The following KLRD1 variants were observed in gnomAD, a reference collection of about 807,000 sequenced individuals.
KLRD1 encodes the protein killer cell lectin like receptor D1.
KLRD1 carries 21 observed loss-of-function variants against 22.6 expected under a neutral mutation model. The observed-to-expected ratio is 0.93, with a 90% confidence interval of 0.66 to 1.34. KLRD1 has a LOEUF of 1.34. KLRD1 is among the 40% of genes most tolerant of loss of function. KLRD1 has a pLI of 0.00. For missense variants in KLRD1, 183 were observed against 208.6 expected (o/e 0.88, Z 0.76); for synonymous variants, 59 against 71.1 (o/e 0.83, Z 0.85).
chr12:10,295,648 AC>A (rs2137671832), intron 1 of KLRD1, among the ~76,000 whole-genome samples: 1 of 152,344 alleles, frequency 6.6e-6, no homozygotes, highest in African/African-American at 2.4e-5. Flanking sequence ...AGATACCTTA[AC>A]AAATTACATG....
chr12:10,259,540 A>G (rs1246242650), intron 1 of KLRD1, among the ~76,000 whole-genome samples: 1 of 152,202 alleles, frequency 6.6e-6, no homozygotes, highest in East Asian at 1.9e-4. Context: ...GTTTTATGCA[A>G]TTAAAGTAGT....
intron 1 of KLRD1, among the ~76,000 whole-genome samples, chr12:10,297,677 C>CT (rs1949834207): frequency 6.6e-6 from 1 of 152,092 alleles, no homozygotes; most frequent in Non-Finnish European, 1.5e-5. Context: ...ATTTCTGGGT[C>CT]TTTGTCTTGC....
At chr12:10,274,556 C>T (rs1408120994) in intron 1 of KLRD1, among the ~76,000 whole-genome samples, 1 of 151,990 alleles carries the variant, frequency 6.6e-6, no homozygotes, top group African/African-American at 2.4e-5. Flanking sequence ...ATTGTGCTAC[C>T]TGGAGGCGTT....
At chr12:10,310,437 A>C (rs1950035844) in intron 3 of KLRD1, among the ~76,000 whole-genome samples, 2 of 152,240 alleles carry the variant, frequency 1.3e-5, no homozygotes, top group Middle Eastern at 3.4e-3. Context: ...CAATTTTCTA[A>C]ATATGTATTT....
intron 1 of KLRD1, among the ~76,000 whole-genome samples, chr12:10,296,669 T>C (rs933775655): frequency 2.0e-5 from 3 of 152,056 alleles, no homozygotes; most frequent in Admixed American, 2.0e-4. Context: ...CATGAGTAAA[T>C]GGATTAAAAG....
intron 1 of KLRD1, among the ~76,000 whole-genome samples, chr12:10,281,704 A>G (rs566876931): frequency 1.3e-5 from 2 of 152,378 alleles, no homozygotes; most frequent in Non-Finnish European, 2.9e-5. Flanking sequence ...TTAGCTTTGC[A>G]TAAAATTCAA....
upstream of KLRD1, chr12:10,307,835 G>A (rs1032543893): frequency 6.5e-6 from 3 of 460,620 alleles, no homozygotes; most frequent in East Asian, 6.6e-5. Context: ...GTGGTTCCTG[G>A]AACACTTCAG....
chr12:10,298,571 C>T (rs968187448), intron 1 of KLRD1, among the ~76,000 whole-genome samples: 2 of 152,198 alleles, frequency 1.3e-5, no homozygotes, highest in Non-Finnish European at 2.9e-5. Flanking sequence ...CTCGTGATGG[C>T]CTTGACGCCT....
At position 10,322,806 on chromosome 12, in the gene KLRD1, ACT is replaced by A. The variant is rs1462739660; in HGVS notation, c.*8018_*8019del. On this transcript the variant is annotated 3_prime_UTR_variant, in exon 6 of 6. Coordinates refer to ENST00000336164, the MANE Select transcript of KLRD1 (RefSeq NM_002262.5). ...ATAGAGACTACCTACCACCACCAAG[ACT>A]CTCTTGCTGTTTGCTAATTGATACT... The A allele has an allele frequency of 6.6e-6, 1 of 151,858 alleles. No individual in the cohort carries two copies. The highest frequency in any genetic ancestry group is 1.5e-5 in the Non-Finnish European group (1 of 67,950). 9.4% of individuals were successfully genotyped at this position (151,858 alleles called of 1,614,324 possible).
At chr12:10,295,587 A>G (rs1036000983) in intron 1 of KLRD1, among the ~76,000 whole-genome samples, 2 of 152,194 alleles carry the variant, frequency 1.3e-5, no homozygotes, top group Non-Finnish European at 2.9e-5. Context: ...TTTTGAACAA[A>G]TTATCTGGTC....
chr12:10,285,170 C>T (rs563242925), intron 1 of KLRD1, among the ~76,000 whole-genome samples: 1 of 152,278 alleles, frequency 6.6e-6, no homozygotes, highest in East Asian at 1.9e-4. Flanking sequence ...GCATATTAAC[C>T]TGGAGTAAAA....
rs972122048 is a variant in KLRD1 at position 10,315,490 on chromosome 12, A to G, written c.*697A>G. ...GCATTTCAGGTAACTGACAAAAGAT[A>G]TAGGATGAAAAATAATATCTTTCAA... On this transcript the variant is annotated 3_prime_UTR_variant, in exon 6 of 6. Transcript: ENST00000336164. 23 of 174,610 alleles carry G rather than the reference A, an allele frequency of 1.3e-4. No individual in the cohort carries two copies. Among genetic ancestry groups the G allele is most frequent in the African/African-American group, 4.8e-4 (20 of 41,754 alleles). The allele number at this position is 174,610 out of a possible 1,614,324, so 10.8% of individuals were successfully genotyped here.
chr12:10,288,844 A>G (rs936155561), intron 1 of KLRD1, among the ~76,000 whole-genome samples: 1 of 152,242 alleles, frequency 6.6e-6, no homozygotes, highest in Non-Finnish European at 1.5e-5. Flanking sequence ...GAACTTGAGA[A>G]TGTATAAAGT....
chr12:10,254,545 C>T (rs1215535030), intron 1 of KLRD1, among the ~76,000 whole-genome samples: 5 of 151,504 alleles, frequency 3.3e-5, no homozygotes, highest in Non-Finnish European at 7.4e-5. Flanking sequence ...TCCAGCATCT[C>T]GAAGGAACTT....
chr12:10,256,425 GTTTTT>G (rs139328118), intron 1 of KLRD1, among the ~76,000 whole-genome samples: 23,401 of 131,020 alleles, frequency 0.18, 2,417 homozygotes, highest in Non-Finnish European at 0.25. Flanking sequence ...GTGATTAGCT[GTTTTT>G]TTTTTTTTTT....
At chr12:10,276,272 A>T (rs181046491) in intron 1 of KLRD1, among the ~76,000 whole-genome samples, 1 of 152,082 alleles carries the variant, frequency 6.6e-6, no homozygotes, top group Non-Finnish European at 1.5e-5. Flanking sequence ...CTTGTAATCT[A>T]TATTTAAAAT....
chr12:10,239,434 T>TTCCTTTCCTTCCTTCCTTCC lies in KLRD1; in HGVS notation c.-101+13202_-101+13203insCCTTTCCTTCCTTCCTTCCT, dbSNP rs59390706. On this transcript the variant is annotated intron_variant, in intron 1 of 5. Transcript: ENST00000544747. ...CTTCCTTCTTTCCATCCTTCCTTCC[T>TTCCTTTCCTTCCTTCCTTCC]TTCCTTCCTTCCTTCCTTCCTTCCT... 5.1e-4 allele frequency among the ~76,000 whole-genome samples: 21 copies of TTCCTTTCCTTCCTTCCTTCC among 41,446 alleles called. 3 individuals carry two copies. Among genetic ancestry groups the TTCCTTTCCTTCCTTCCTTCC allele is most frequent in the African/African-American group, 1.1e-3 (14 of 12,406 alleles). 27.2% of individuals were successfully genotyped at this position (41,446 alleles called of 152,430 possible). A position where few individuals can be genotyped will look rare whatever the true frequency, so the allele number is the denominator to read the frequency against.
intron 3 of KLRD1, among the ~76,000 whole-genome samples, chr12:10,310,104 G>C: frequency 6.6e-6 from 1 of 152,264 alleles, no homozygotes; most frequent in Middle Eastern, 3.4e-3. Context: ...GTGAAAGCCA[G>C]CTCAAAGTCC....
At position 10,309,683 on chromosome 12, in the gene KLRD1, A is replaced by G. The variant is rs766712951; in HGVS notation, c.158A>G (p.Gln53Arg). 12 of 1,611,314 alleles carry G rather than the reference A, an allele frequency of 7.4e-6. No individual in the cohort carries two copies. Among genetic ancestry groups the G allele is most frequent in the Non-Finnish European group, 9.3e-6 (11 of 1,177,628 alleles). Reference sequence around the variant, plus strand: ...ACTCCAGGACCCAACATAGAACTCCAGAAAGGTAGGTCACATTTTTTGGAA... The same window carrying G: ...ACTCCAGGACCCAACATAGAACTCCGGAAAGGTAGGTCACATTTTTTGGAA... Reference protein sequence around the residue: ...AFTPGPNIELQKDSDCCSCQE... With the variant: ...AFTPGPNIELRKDSDCCSCQE... The change falls in exon 3 of 6, where the codon CAG becomes CGG. Residue 53 changes from glutamine (Q) to arginine (R), a missense_variant. Gln to Arg is a conservative substitution (Grantham distance 43). Coordinates refer to ENST00000336164, the MANE Select transcript of KLRD1 (RefSeq NM_002262.5).
Sources: gnomAD v4.1 joint callset for allele counts (sites outside exome capture counted in the v4.1 genomes callset) on GRCh38, gnomAD v4.1.1 for gene constraint, MANE v1.5 for transcripts, NCBI Gene and HGNC (gene_info 2026-07-23, HGNC 2026-07-21) for gene names.